The following MOSMO variants were observed in gnomAD, a reference collection of about 807,000 sequenced individuals.
The protein encoded by MOSMO is modulator of smoothened.
A neutral mutation model predicts 18.4 loss-of-function variants in MOSMO; 5 were observed. The observed-to-expected ratio is 0.27, with a 90% CI of 0.14 to 0.57. MOSMO has a LOEUF of 0.57. Among genes scored for constraint, MOSMO ranks in the 20% least tolerant of loss-of-function variants. MOSMO has a pLI of 0.92. For missense variants in MOSMO, 138 were observed against 211.8 expected, an observed-to-expected ratio of 0.65 and a Z score of 2.16; for synonymous variants, 82 against 82.3, an observed-to-expected ratio of 1.00 and a Z score of 0.02.
intron 1 of MOSMO, among the ~76,000 whole-genome samples, chr16:22,026,625 G>T (rs1899882338): frequency 1.3e-5 from 2 of 152,160 alleles, no homozygotes; most frequent in South Asian, 4.1e-4. Context: ...GCAATTGTTG[G>T]ACCTGTGCTT....
intron 1 of MOSMO, among the ~76,000 whole-genome samples, chr16:22,062,554 G>A (rs895493419): frequency 1.3e-5 from 2 of 152,154 alleles, no homozygotes; most frequent in African/African-American, 4.8e-5. Flanking sequence ...TTGGCCTTAA[G>A]TGATCCTCCT....
intron 1 of MOSMO, among the ~76,000 whole-genome samples, chr16:22,023,869 A>G (rs1899815338): frequency 6.6e-6 from 1 of 152,046 alleles, no homozygotes; most frequent in African/African-American, 2.4e-5. Flanking sequence ...GATACAGGCT[A>G]CAGAGGTACT....
chr16:22,055,627 T>C (rs1324503787), intron 1 of MOSMO, among the ~76,000 whole-genome samples: 1 of 152,216 alleles, frequency 6.6e-6, no homozygotes, highest in South Asian at 2.1e-4. Flanking sequence ...TCCTTCTTTA[T>C]GATGGATGGT....
At chr16:22,045,105 A>C (rs1900281646) in intron 1 of MOSMO, among the ~76,000 whole-genome samples, 1 of 151,712 alleles carries the variant, frequency 6.6e-6, no homozygotes, top group African/African-American at 2.4e-5. Context: ...GGATTGCTTG[A>C]GCCCAGGAGT....
At chr16:22,044,078 G>GT (rs1397975772) in intron 1 of MOSMO, among the ~76,000 whole-genome samples, 4 of 152,070 alleles carry the variant, frequency 2.6e-5, no homozygotes, top group Non-Finnish European at 5.9e-5. Flanking sequence ...CATGAGAACA[G>GT]TATGGGAGGG....
intron 2 of MOSMO, among the ~76,000 whole-genome samples, chr16:22,079,534 C>T (rs529384937): frequency 1.3e-4 from 20 of 152,224 alleles, no homozygotes; most frequent in African/African-American, 4.6e-4. Context: ...CACTTTTACC[C>T]GGACATTGGG....
In MOSMO at chr16:22,022,855, A is replaced by T. The variant is rs765935370; in HGVS notation, c.106+14448A>T. On this transcript the variant is annotated intron_variant, in intron 1 of 2. Coordinates refer to ENST00000542527, the MANE Select transcript of MOSMO (RefSeq NM_001164579.2). Reference sequence around the variant, plus strand: ...AGAACCGGACCTTGCTGGCACCCTGATCTCAGATTTCCAGCCTCCAAAAAT... The same window carrying T: ...AGAACCGGACCTTGCTGGCACCCTGTTCTCAGATTTCCAGCCTCCAAAAAT... Among the ~76,000 whole-genome samples the T allele has an allele frequency of 1.8e-4, 27 of 152,126 alleles. 1 individual carries two copies. Among genetic ancestry groups the T allele is most frequent in the Non-Finnish European group, 1.5e-5 (1 of 68,014 alleles).
In MOSMO at chr16:22,046,623, C is replaced by T. The variant is rs144726255; in HGVS notation, c.107-28864C>T. ...CCTTCTTGCACTTAGGAACACTAGA[C>T]GGCACTTGAGCACTATAATTGGGAC... On this transcript the variant is annotated intron_variant, in intron 1 of 2. Coordinates refer to ENST00000542527, the MANE Select transcript of MOSMO (RefSeq NM_001164579.2). 1.7e-4 allele frequency among the ~76,000 whole-genome samples: 26 copies of T among 152,198 alleles called. No homozygotes were observed. In the East Asian group the frequency reaches 3.5e-3, roughly 20 times the overall value.
chr16:22,082,098 G>A lies in MOSMO; in HGVS notation c.*1218G>A, dbSNP rs1021775499. On this transcript the variant is annotated 3_prime_UTR_variant, in exon 3 of 3. Coordinates refer to ENST00000542527, the MANE Select transcript of MOSMO (RefSeq NM_001164579.2). ...CACACTTTACATAAATACAAAGTTCGCTAGTAAATATCTGGCTATTTTGGC... is the reference window on the plus strand; with the variant it reads ...CACACTTTACATAAATACAAAGTTCACTAGTAAATATCTGGCTATTTTGGC... 1 of 151,964 alleles carries A rather than the reference G, an allele frequency of 6.6e-6. No homozygotes were observed. Among genetic ancestry groups the A allele is most frequent in the Non-Finnish European group, 1.5e-5 (1 of 67,996 alleles). 9.4% of individuals were successfully genotyped at this position (151,964 alleles called of 1,614,324 possible). A position where few individuals can be genotyped will look rare whatever the true frequency, so the allele number is the denominator to read the frequency against.
chr16:22,023,997 T>TTATATATATATATATATATA (rs72336979), intron 1 of MOSMO, among the ~76,000 whole-genome samples: 1,573 of 126,146 alleles, frequency 0.012, 86 homozygotes, highest in African/African-American at 0.048. Context: ...TTTGTACAAA[T>TTATATATATATATATATATA]TATATATATA....
At chr16:22,044,216 A>G (rs1900264587) in intron 1 of MOSMO, among the ~76,000 whole-genome samples, 1 of 152,184 alleles carries the variant, frequency 6.6e-6, no homozygotes, top group South Asian at 2.1e-4. Context: ...ATATAAAAAT[A>G]GTATAGATAA....
chr16:22,009,804 CAAAAAAAAAAAAAAAAAAAA>C (rs56313303), intron 1 of MOSMO, among the ~76,000 whole-genome samples: 23 of 35,962 alleles, frequency 6.4e-4, no homozygotes, highest in Admixed American at 4.9e-3. Context: ...ACTAAAAATA[CAAAAAAAAAAAAAAAAAAAA>C]AAAAAAAAAA....
rs1397326105 is a variant in MOSMO, at chr16:22,081,898, T to G, written c.*1018T>G. 1.3e-5 allele frequency: 2 copies of G among 152,098 alleles called. No individual in the cohort carries two copies. Among genetic ancestry groups the G allele is most frequent in the African/African-American group, 4.8e-5 (2 of 41,436 alleles). The allele number at this position is 152,098 out of a possible 1,614,324, so 9.4% of individuals were successfully genotyped here. The stretch of plus-strand genomic sequence containing the variant: ...GTGCGATTTTAAGTTAAGCTAAAAA[T>G]TATTTGTAGGGTTAATTTATTTGTA... On this transcript the variant is annotated 3_prime_UTR_variant, in exon 3 of 3. Transcript: ENST00000542527.
downstream of MOSMO, chr16:22,085,527 AGG>A (rs1297529651): frequency 6.6e-6 from 1 of 152,146 alleles, no homozygotes; most frequent in Non-Finnish European, 1.5e-5. Flanking sequence ...GCTATGGTGG[AGG>A]GGACACTTTT....
At chr16:22,075,852 C>T (rs1375027927) in intron 2 of MOSMO, 153 bp downstream of exon 2, 1 of 586,956 alleles carries the variant, frequency 1.7e-6, no homozygotes, top group African/African-American at 1.9e-5. Flanking sequence ...ACAGTCCCAT[C>T]ATTTCTTCAA....
intron 1 of MOSMO, chr16:22,064,332 T>C (rs1333432322): frequency 4.4e-6 from 2 of 456,512 alleles, no homozygotes; most frequent in Non-Finnish European, 8.8e-6. Context: ...TCATTCTCTT[T>C]ACCAGTCTCA....
intron 1 of MOSMO, among the ~76,000 whole-genome samples, chr16:22,014,977 A>C (rs1231807948): frequency 6.6e-6 from 1 of 152,198 alleles, no homozygotes; most frequent in Non-Finnish European, 1.5e-5. Context: ...CATCCATTTA[A>C]AGTATACAAA....
chr16:22,046,605 G>T (rs922742561), intron 1 of MOSMO, among the ~76,000 whole-genome samples: 1 of 152,054 alleles, frequency 6.6e-6, no homozygotes, highest in Non-Finnish European at 1.5e-5. Flanking sequence ...AATCCTTCTT[G>T]CACTTAGGAA....
chr16:22,089,214 C>T (rs369940126), downstream of MOSMO, among the ~76,000 whole-genome samples: 4 of 152,038 alleles, frequency 2.6e-5, no homozygotes, highest in African/African-American at 9.7e-5. Flanking sequence ...ACCACAGGCA[C>T]GCACCACCAT....
Sources: gnomAD v4.1 joint callset for allele counts (sites outside exome capture counted in the v4.1 genomes callset) on GRCh38, gnomAD v4.1.1 for gene constraint, MANE v1.5 for transcripts, NCBI Gene and HGNC (gene_info 2026-07-23, HGNC 2026-07-21) for gene names.